GRM3: variants seen among roughly 807,000 people sequenced by gnomAD.
GRM3 encodes the protein glutamate metabotropic receptor 3, also known as metabotropic glutamate receptor 3.
GRM3 carries 26 observed loss-of-function variants against 70.5 expected under a neutral mutation model. The observed-to-expected ratio is 0.37, with a 90% CI of 0.27 to 0.51. The LOEUF is 0.51. Ranked by LOEUF, GRM3 falls within the 20% of genes least tolerant of loss-of-function variation. The pLI is 0.93. For missense variants in GRM3, 859 were observed against 1,123.8 expected, an observed-to-expected ratio of 0.76 and a Z score of 3.37; for synonymous variants, 443 against 434.9, an observed-to-expected ratio of 1.02 and a Z score of -0.23.
At chr7:86,856,452 CA>C (rs572172399) in intron 5 of GRM3, among the ~76,000 whole-genome samples, 14,231 of 67,622 alleles carry the variant, frequency 0.21, 743 homozygotes, top group African/African-American at 0.32. Flanking sequence ...TCGCCCTCTG[CA>C]AAAAAAAAAA....
intron 3 of GRM3, among the ~76,000 whole-genome samples, chr7:86,814,779 T>A (rs546427255): frequency 9.3e-5 from 14 of 151,344 alleles, no homozygotes; most frequent in African/African-American, 3.4e-4. Flanking sequence ...GCAATTTGAT[T>A]GCTGGTGTAA....
chr7:86,848,571 T>C (rs138042742), intron 4 of GRM3, among the ~76,000 whole-genome samples: 1 of 152,186 alleles, frequency 6.6e-6, no homozygotes, highest in East Asian at 1.9e-4. Flanking sequence ...TTTTGATTTG[T>C]CTCTGGTGGC....
chr7:86,709,047 A>T (rs1795131611), intron 1 of GRM3, among the ~76,000 whole-genome samples: 1 of 152,068 alleles, frequency 6.6e-6, no homozygotes, highest in Non-Finnish European at 1.5e-5. Flanking sequence ...TACAACCTAC[A>T]TACTCAAGGT....
At position 86,767,696 on chromosome 7, in the gene GRM3, G is replaced by A. The variant is rs147558768; in HGVS notation, c.468+2083G>A. On this transcript the variant is annotated intron_variant, in intron 2 of 5. Coordinates refer to ENST00000361669, the MANE Select transcript of GRM3 (RefSeq NM_000840.3). ...ACCACTAGTAAGGGCTTATATATAT[G>A]CGCTTTTTCTCACCTTAGTTTCTCC... Among the ~76,000 whole-genome samples, 290 of 151,666 alleles carry A rather than the reference G, an allele frequency of 1.9e-3. 2 individuals are homozygous for A. Among genetic ancestry groups the A allele is most frequent in the African/African-American group, 6.5e-3 (271 of 41,420 alleles).
chr7:86,669,190 C>G (rs536365804), intron 1 of GRM3, among the ~76,000 whole-genome samples: 1 of 152,194 alleles, frequency 6.6e-6, no homozygotes, highest in African/African-American at 2.4e-5. Flanking sequence ...CACATAACAT[C>G]ACCTTTAAAA....
At chr7:86,731,592 T>C (rs1795735465) in intron 1 of GRM3, among the ~76,000 whole-genome samples, 1 of 152,230 alleles carries the variant, frequency 6.6e-6, no homozygotes, top group Admixed American at 6.5e-5. Flanking sequence ...AAATTATCCC[T>C]TTCATTCTTA....
chr7:86,832,184 G>A (rs553465357), intron 3 of GRM3, among the ~76,000 whole-genome samples: 2 of 148,634 alleles, frequency 1.3e-5, no homozygotes, highest in East Asian at 4.0e-4. Context: ...CATCAGATTA[G>A]TTCACAGAAA....
At chr7:86,706,074 A>T (rs1795050741) in intron 1 of GRM3, among the ~76,000 whole-genome samples, 1 of 139,170 alleles carries the variant, frequency 7.2e-6, no homozygotes, top group South Asian at 2.2e-4. Context: ...AAATTTTATA[A>T]TATACACTAC....
At chr7:86,789,431 TA>T (rs760805216) in intron 3 of GRM3, among the ~76,000 whole-genome samples, 1 of 152,246 alleles carries the variant, frequency 6.6e-6, no homozygotes, top group Non-Finnish European at 1.5e-5. Flanking sequence ...AATATATGTA[TA>T]TTTTTAACTT....
chr7:86,659,706 T>C (rs1441892315), intron 1 of GRM3, among the ~76,000 whole-genome samples: 1 of 152,118 alleles, frequency 6.6e-6, no homozygotes, highest in East Asian at 1.9e-4. Context: ...TTGAGCAGAG[T>C]GTATCTAATT....
chr7:86,832,553 T>C (rs1003287754), intron 3 of GRM3, among the ~76,000 whole-genome samples: 1 of 152,124 alleles, frequency 6.6e-6, no homozygotes, highest in African/African-American at 2.4e-5. Flanking sequence ...GCCCGGCCAC[T>C]GCTAGTAGCT....
Position 86,845,192 on chromosome 7 carries a change from G to A in GRM3, c.2392-5178G>A, listed in dbSNP as rs143475915. 3.7e-3 allele frequency among the ~76,000 whole-genome samples: 569 copies of A among 152,088 alleles called. 3 individuals are homozygous for A. The highest frequency in any genetic ancestry group is 0.013 in the African/African-American group (542 of 41,508). The stretch of plus-strand genomic sequence containing the variant: ...GATGAGAGCCACTGCACCCAGCCTC[G>A]TCCTGATTTCTACAAGGCAACGCAG... On this transcript the variant is annotated intron_variant, in intron 4 of 5. Transcript: ENST00000361669.
chr7:86,836,244 A>T (rs1798454273), intron 3 of GRM3, among the ~76,000 whole-genome samples: 1 of 152,108 alleles, frequency 6.6e-6, no homozygotes, highest in Non-Finnish European at 1.5e-5. Flanking sequence ...CTGTAGCTAA[A>T]TTTTTAAAGA....
intron 1 of GRM3, among the ~76,000 whole-genome samples, chr7:86,696,701 G>GTGA (rs1285901417): frequency 6.6e-6 from 1 of 152,042 alleles, no homozygotes; most frequent in Non-Finnish European, 1.5e-5. Flanking sequence ...AATAGTGGTG[G>GTGA]TGGTGGTGGT....
At chr7:86,714,210 T>G (rs1290445085) in intron 1 of GRM3, among the ~76,000 whole-genome samples, 2 of 152,016 alleles carry the variant, frequency 1.3e-5, no homozygotes, top group African/African-American at 2.4e-5. Flanking sequence ...AATAAAATAC[T>G]TACAAATTTA....
At chr7:86,681,630 G>C (rs763118944) in intron 1 of GRM3, among the ~76,000 whole-genome samples, 2 of 152,048 alleles carry the variant, frequency 1.3e-5, no homozygotes, top group Non-Finnish European at 2.9e-5. Flanking sequence ...TGAGCAGATG[G>C]AGCAACTATG....
intron 4 of GRM3, among the ~76,000 whole-genome samples, chr7:86,847,282 C>G (rs1798672470): frequency 6.6e-6 from 1 of 152,140 alleles, no homozygotes; most frequent in African/African-American, 2.4e-5. Context: ...AATTTCCCAA[C>G]AGAATTTGCT....
At chr7:86,772,949 C>T (rs1273267417) in intron 2 of GRM3, among the ~76,000 whole-genome samples, 1 of 152,022 alleles carries the variant, frequency 6.6e-6, no homozygotes, top group Non-Finnish European at 1.5e-5. Context: ...ATTCACTTAA[C>T]CCTGCATTGT....
intron 3 of GRM3, among the ~76,000 whole-genome samples, chr7:86,813,456 C>A (rs1797953690): frequency 6.6e-6 from 1 of 151,794 alleles, no homozygotes; most frequent in African/African-American, 2.4e-5. Flanking sequence ...CTTAAGCAGT[C>A]ATTTACCTCA....
Sources: allele counts gnomAD v4.1 joint callset (sites outside exome capture counted in the v4.1 genomes callset), GRCh38; gene constraint gnomAD v4.1.1; transcripts MANE v1.5; gene names NCBI Gene and HGNC (gene_info 2026-07-23, HGNC 2026-07-21).